Variants in TAFA1 observed in about 807,000 individuals in gnomAD.
The protein encoded by TAFA1 is TAFA chemokine like family member 1.
A neutral mutation model predicts 18.5 loss-of-function variants in TAFA1; 4 were observed. That is an observed-to-expected ratio of 0.22 (90% CI 0.11 to 0.49). TAFA1 has a LOEUF of 0.49. Ranked by LOEUF, TAFA1 falls within the 20% of genes least tolerant of loss-of-function variation. The pLI is 0.98. For synonymous variants in TAFA1, 56 were observed against 55.2 expected (o/e 1.01, Z -0.06); for missense variants, 147 against 169.0 (o/e 0.87, Z 0.72).
intron 2 of TAFA1, among the ~76,000 whole-genome samples, chr3:68,239,988 C>T (rs1201040058): frequency 1.3e-5 from 2 of 152,120 alleles, no homozygotes; most frequent in African/African-American, 4.8e-5. Flanking sequence ...CACAGGAGCT[C>T]TTTTGTAAAA....
intron 2 of TAFA1, among the ~76,000 whole-genome samples, chr3:68,401,581 T>C (rs561408442): frequency 5.9e-5 from 9 of 152,340 alleles, no homozygotes; most frequent in African/African-American, 1.9e-4. Context: ...GGTGTTTAGA[T>C]AGTGGCAATC....
At chr3:68,260,857 T>TG (rs1376544807) in intron 2 of TAFA1, among the ~76,000 whole-genome samples, 1 of 152,060 alleles carries the variant, frequency 6.6e-6, no homozygotes, top group Non-Finnish European at 1.5e-5. Flanking sequence ...GACATAGGCA[T>TG]GGGCAAGGAC....
intron 3 of TAFA1, among the ~76,000 whole-genome samples, chr3:68,513,799 T>C (rs769202664): frequency 2.6e-5 from 4 of 152,214 alleles, no homozygotes; most frequent in Non-Finnish European, 5.9e-5. Flanking sequence ...CATAAGCTGA[T>C]AGTTTTGACT....
At chr3:68,156,827 T>C (rs2065873028) in intron 2 of TAFA1, among the ~76,000 whole-genome samples, 2 of 152,176 alleles carry the variant, frequency 1.3e-5, no homozygotes, top group Non-Finnish European at 2.9e-5. Context: ...TCCTTATCTT[T>C]AATGTTGATA....
chr3:68,414,391 C>A (rs556334131), intron 2 of TAFA1, among the ~76,000 whole-genome samples: 1 of 152,246 alleles, frequency 6.6e-6, no homozygotes, highest in Admixed American at 6.5e-5. Context: ...CCTTGGTAAC[C>A]TTTCTAAGCC....
intron 2 of TAFA1, among the ~76,000 whole-genome samples, chr3:68,030,506 C>T (rs56132277): frequency 0.86 from 130,927 of 152,056 alleles, 57,370 homozygotes; most frequent in South Asian, 0.95. Context: ...TGAGTGAGAA[C>T]ATGCAGTGTT....
chr3:68,075,703 T>G (rs2064814936), intron 2 of TAFA1, among the ~76,000 whole-genome samples: 2 of 151,374 alleles, frequency 1.3e-5, no homozygotes, highest in Admixed American at 6.6e-5. Context: ...TTTCCCTTTT[T>G]TTTTTTTTTT....
In TAFA1 at chr3:68,239,925, G is replaced by T. The variant is rs1410190320; in HGVS notation, c.119-177355G>T. 1.2e-4 allele frequency among the ~76,000 whole-genome samples: 18 copies of T among 152,196 alleles called. 1 individual carries two copies. The highest frequency in any genetic ancestry group is 1.2e-3 in the Admixed American group (18 of 15,272). Reference sequence around the variant, plus strand: ...TAATAGCACCTTATAAATAAATGGTGTTTATACATAATAGTGTAAAAGGCT... The same window carrying T: ...TAATAGCACCTTATAAATAAATGGTTTTTATACATAATAGTGTAAAAGGCT... On this transcript the variant is annotated intron_variant, in intron 2 of 4. Transcript: ENST00000478136.
At chr3:68,501,134 A>G in intron 3 of TAFA1, among the ~76,000 whole-genome samples, 1 of 132,698 alleles carries the variant, frequency 7.5e-6, no homozygotes, top group Admixed American at 8.2e-5. Flanking sequence ...CAGCCTGTGT[A>G]GCAGAGTGAG....
chr3:68,318,451 G>A (rs2068641495), intron 2 of TAFA1, among the ~76,000 whole-genome samples: 1 of 152,128 alleles, frequency 6.6e-6, no homozygotes, highest in Non-Finnish European at 1.5e-5. Context: ...CAGGTATAAG[G>A]GATCTTTAAA....
intron 2 of TAFA1, among the ~76,000 whole-genome samples, chr3:68,377,825 C>T (rs528782938): frequency 1.3e-5 from 2 of 152,230 alleles, no homozygotes; most frequent in East Asian, 1.9e-4. Flanking sequence ...TGCCCTGCAT[C>T]CCAGCTGCTC....
intron 2 of TAFA1, among the ~76,000 whole-genome samples, chr3:68,414,923 A>T (rs1299721138): frequency 6.6e-6 from 1 of 152,152 alleles, no homozygotes; most frequent in Non-Finnish European, 1.5e-5. Context: ...GTGACTTTAA[A>T]ATTAGTGGCA....
At chr3:68,361,654 G>GA (rs11449912) in intron 2 of TAFA1, among the ~76,000 whole-genome samples, 73,352 of 148,140 alleles carry the variant, frequency 0.5, 18,255 homozygotes, top group East Asian at 0.72. Flanking sequence ...GAAAACAAAG[G>GA]AAAAAAAAAA....
At chr3:68,212,184 G>C (rs1462623716) in intron 2 of TAFA1, among the ~76,000 whole-genome samples, 1 of 151,512 alleles carries the variant, frequency 6.6e-6, no homozygotes, top group Non-Finnish European at 1.5e-5. Flanking sequence ...TGCTTGGGGA[G>C]AGGAGGGGCA....
rs545603921 is a variant in TAFA1 at position 68,342,881 on chromosome 3, T to C, written c.119-74399T>C. On this transcript the variant is annotated intron_variant, in intron 2 of 4. Coordinates refer to ENST00000478136, the MANE Select transcript of TAFA1 (RefSeq NM_213609.4). ...CTGTGGAGAATTTAATAACTATAAT[T>C]TTACTTTATACAGCACAGCCTTTAA... 7.2e-5 allele frequency among the ~76,000 whole-genome samples: 11 copies of C among 152,298 alleles called. No individual in the cohort carries two copies. The South Asian group carries it at 2.3e-3, about 32-fold the overall frequency.
intron 2 of TAFA1, among the ~76,000 whole-genome samples, chr3:68,042,293 A>G (rs182514851): frequency 7.3e-4 from 111 of 152,330 alleles, no homozygotes; most frequent in Non-Finnish European, 6.2e-4. Context: ...TTGTCTAGTG[A>G]TTACATCCTT....
chr3:68,019,986 G>A (rs1236075169), intron 2 of TAFA1, among the ~76,000 whole-genome samples: 1 of 152,154 alleles, frequency 6.6e-6, no homozygotes, highest in Admixed American at 6.5e-5. Context: ...AATTAAATGA[G>A]ACAGGAATAA....
intron 2 of TAFA1, among the ~76,000 whole-genome samples, chr3:68,062,720 A>G (rs1186138147): frequency 6.6e-6 from 1 of 152,184 alleles, no homozygotes; most frequent in East Asian, 1.9e-4. Flanking sequence ...GGGAGGATTC[A>G]TAGAAGAGGT....
chr3:68,329,082 CT>C (rs1559619441), intron 2 of TAFA1, among the ~76,000 whole-genome samples: 1 of 149,092 alleles, frequency 6.7e-6, no homozygotes, highest in African/African-American at 2.5e-5. Flanking sequence ...CTTGTGGCCA[CT>C]TTTTTGTTTT....
Sources: gnomAD v4.1 joint callset for allele counts (sites outside exome capture counted in the v4.1 genomes callset) on GRCh38, gnomAD v4.1.1 for gene constraint, MANE v1.5 for transcripts, NCBI Gene and HGNC (gene_info 2026-07-23, HGNC 2026-07-21) for gene names.